ASIC2: variants seen among roughly 807,000 people sequenced by gnomAD.
ASIC2 encodes the protein acid-sensing ion channel 2.
Under a neutral mutation model 57.3 loss-of-function variants are expected in ASIC2, and 25 were observed. The ratio of observed to expected loss-of-function variants is 0.44; its 90% CI spans 0.32 to 0.61. The LOEUF is 0.61. Ranked by LOEUF, ASIC2 falls within the 20% of genes least tolerant of loss-of-function variation. ASIC2 has a pLI of 0.06. For synonymous variants in ASIC2, 319 were observed against 307.5 expected, an observed-to-expected ratio of 1.04 and a Z score of -0.39; for missense variants, 641 against 738.1, an observed-to-expected ratio of 0.87 and a Z score of 1.52.
chr17:33,197,784 G>A (rs1434408366), intron 1 of ASIC2, among the ~76,000 whole-genome samples: 1 of 152,204 alleles, frequency 6.6e-6, no homozygotes, highest in Non-Finnish European at 1.5e-5. Context: ...TCTGGTCTGG[G>A]ATTCCTAAGA....
chr17:33,909,459 G>C (rs936546457), intron 1 of ASIC2, among the ~76,000 whole-genome samples: 2 of 152,250 alleles, frequency 1.3e-5, no homozygotes, highest in African/African-American at 4.8e-5. Context: ...TAATAAGAGA[G>C]AAAGCGGGAA....
intron 1 of ASIC2, among the ~76,000 whole-genome samples, chr17:34,113,035 T>C (rs964849854): frequency 1.3e-5 from 2 of 152,160 alleles, no homozygotes; most frequent in African/African-American, 4.8e-5. Context: ...CAAGCACTGA[T>C]GGGTTTCAAG....
At chr17:33,679,304 CT>C (rs1567687036) in intron 1 of ASIC2, among the ~76,000 whole-genome samples, 1 of 152,172 alleles carries the variant, frequency 6.6e-6, no homozygotes, top group African/African-American at 2.4e-5. Context: ...CCAATCACCC[CT>C]GTTGCTTTTT....
intron 3 of ASIC2, among the ~76,000 whole-genome samples, chr17:33,038,043 T>C (rs1279457526): frequency 1.3e-5 from 2 of 152,198 alleles, no homozygotes; most frequent in African/African-American, 4.8e-5. Context: ...GAATGAGAGA[T>C]AGCAGAATGA....
chr17:34,155,947 A>G (rs1366790981), intron 1 of ASIC2: 1 of 1,573,822 alleles, frequency 6.4e-7, no homozygotes, highest in South Asian at 1.2e-5. Flanking sequence ...CCAGAGGACC[A>G]GACAGAGTGA....
chr17:34,013,526 A>G (rs1013638669), intron 1 of ASIC2, among the ~76,000 whole-genome samples: 2 of 152,348 alleles, frequency 1.3e-5, no homozygotes, highest in East Asian at 3.9e-4. Context: ...TAGAAGATGC[A>G]GAATAAGGAG....
chr17:33,241,995 C>T (rs1908522592), intron 1 of ASIC2, among the ~76,000 whole-genome samples: 1 of 152,176 alleles, frequency 6.6e-6, no homozygotes, highest in African/African-American at 2.4e-5. Flanking sequence ...AATAAGTATT[C>T]TCCACTTTAA....
At chr17:33,023,725 T>G in intron 6 of ASIC2, 136 bp downstream of exon 6, 1 of 1,186,998 alleles carries the variant, frequency 8.4e-7, no homozygotes, top group Non-Finnish European at 1.2e-6. Flanking sequence ...GCGCAGAGCG[T>G]GACACACAGA....
chr17:33,753,711 G>T (rs558427496), intron 1 of ASIC2, among the ~76,000 whole-genome samples: 4 of 152,282 alleles, frequency 2.6e-5, no homozygotes, highest in African/African-American at 9.6e-5. Context: ...ATTTGAACAC[G>T]GTTTGAACAC....
In ASIC2 at chr17:33,671,021, A is replaced by T. The variant is rs192967070; in HGVS notation, c.555+484957T>A. ...GATGAAAAGTTTAAGAACCCATGGG[A>T]CAAAAATTCAGATTCCATGGGAGTG... is the stretch of plus-strand genomic sequence containing the variant. On this transcript the variant is annotated intron_variant, in intron 1 of 9. Coordinates refer to the ASIC2 transcript ENST00000359872. 5.3e-5 allele frequency among the ~76,000 whole-genome samples: 8 copies of T among 152,336 alleles called. No individual in the cohort carries two copies. The East Asian group carries it at 1.5e-3, about 29-fold the overall frequency.
intron 1 of ASIC2, among the ~76,000 whole-genome samples, chr17:33,167,843 T>C (rs1048502499): frequency 6.6e-6 from 1 of 152,246 alleles, no homozygotes; most frequent in African/African-American, 2.4e-5. Context: ...GCCTTTCAAA[T>C]ACCATTTCCT....
At chr17:33,939,770 G>C (rs1332407216) in intron 1 of ASIC2, among the ~76,000 whole-genome samples, 1 of 152,188 alleles carries the variant, frequency 6.6e-6, no homozygotes, top group Non-Finnish European at 1.5e-5. Context: ...GCAGAGCAGG[G>C]GTGTGGCCAG....
intron 1 of ASIC2, among the ~76,000 whole-genome samples, chr17:33,275,715 GA>G (rs762809516): frequency 7.2e-5 from 11 of 152,184 alleles, no homozygotes; most frequent in Non-Finnish European, 1.3e-4. Flanking sequence ...GAAAAGTGAA[GA>G]CTTAAACTCA....
chr17:33,739,971 GAAAGAAAGAAAGAAA>G (rs1241582495), intron 1 of ASIC2, among the ~76,000 whole-genome samples: 6 of 124,156 alleles, frequency 4.8e-5, no homozygotes, highest in South Asian at 2.5e-4. Context: ...AAGAAAAGAA[GAAAGAAAGAAAGAAA>G]AAAGAAAGAA....
intron 1 of ASIC2, among the ~76,000 whole-genome samples, chr17:33,391,185 CATAGA>C (rs1465631083): frequency 6.6e-6 from 1 of 152,154 alleles, no homozygotes; most frequent in African/African-American, 2.4e-5. Context: ...ATGAAAAATA[CATAGA>C]AGGGGTGTAT....
intron 1 of ASIC2, chr17:34,118,354 T>C (rs1217116771): frequency 2.0e-5 from 3 of 152,232 alleles, no homozygotes; most frequent in Admixed American, 2.0e-4. Flanking sequence ...GCATGTTTTT[T>C]CTTTTTCTTT....
At chr17:33,903,098 C>G (rs1915265974) in intron 1 of ASIC2, among the ~76,000 whole-genome samples, 1 of 152,166 alleles carries the variant, frequency 6.6e-6, no homozygotes, top group Non-Finnish European at 1.5e-5. Flanking sequence ...AACCTTTCTC[C>G]TCAGCACCAT....
intron 3 of ASIC2, among the ~76,000 whole-genome samples, chr17:33,065,906 A>G (rs1258097701): frequency 1.3e-5 from 2 of 152,190 alleles, no homozygotes; most frequent in African/African-American, 4.8e-5. Flanking sequence ...ATGAGGCCCG[A>G]AAAGTCAAGG....
intron 1 of ASIC2, among the ~76,000 whole-genome samples, chr17:33,352,066 T>A (rs1221453987): frequency 6.6e-6 from 1 of 152,118 alleles, no homozygotes; most frequent in Non-Finnish European, 1.5e-5. Flanking sequence ...TGTGTCTTCA[T>A]CTCTTTGCTT....
Sources: allele counts gnomAD v4.1 joint callset (sites outside exome capture counted in the v4.1 genomes callset), GRCh38; gene constraint gnomAD v4.1.1; transcripts MANE v1.5; gene names NCBI Gene and HGNC (gene_info 2026-07-23, HGNC 2026-07-21).